The following ADGRV1 variants were observed in gnomAD, a reference collection of about 807,000 sequenced individuals.
ADGRV1 encodes the protein adhesion G protein-coupled receptor V1.
Under a neutral mutation model 596.2 loss-of-function variants are expected in ADGRV1, and 359 were observed. The ratio of observed to expected loss-of-function variants is 0.60; its 90% CI spans 0.55 to 0.66. ADGRV1 has a LOEUF of 0.66. Ranked by LOEUF, ADGRV1 falls within the 30% of genes least tolerant of loss-of-function variation. ADGRV1 has a pLI of 0.00. For missense variants in ADGRV1, 7,274 were observed against 7,575.6 expected (o/e 0.96, Z 1.48); for synonymous variants, 2,681 against 2,679.2 (o/e 1.00, Z -0.02).
At chr5:90,579,027 C>A (rs1295635120) in intron 1 of ADGRV1, among the ~76,000 whole-genome samples, 1 of 152,052 alleles carries the variant, frequency 6.6e-6, no homozygotes, top group Non-Finnish European at 1.5e-5. Context: ...AGCGGTCTAC[C>A]TATTCTGTTG....
At chr5:91,022,120 T>G (rs1295678601) in intron 85 of ADGRV1, among the ~76,000 whole-genome samples, 1 of 152,138 alleles carries the variant, frequency 6.6e-6, no homozygotes, top group African/African-American at 2.4e-5. Context: ...CTGATATAGT[T>G]ACTAATCACA....
At chr5:90,812,421 A>T (rs1349260862) in intron 74 of ADGRV1, among the ~76,000 whole-genome samples, 1 of 152,202 alleles carries the variant, frequency 6.6e-6, no homozygotes, top group Non-Finnish European at 1.5e-5. Flanking sequence ...GTGTAGAATA[A>T]TTTAATCAAG....
intron 85 of ADGRV1, among the ~76,000 whole-genome samples, chr5:91,056,640 G>T (rs1204485773): frequency 6.6e-6 from 1 of 151,998 alleles, no homozygotes; most frequent in Non-Finnish European, 1.5e-5. Flanking sequence ...GCAACGTCTT[G>T]TGTTGTTGTA....
chr5:90,923,096 G>A (rs1774043369), intron 83 of ADGRV1, among the ~76,000 whole-genome samples: 1 of 152,196 alleles, frequency 6.6e-6, no homozygotes, highest in Admixed American at 6.5e-5. Flanking sequence ...ATGAGAAATA[G>A]AAGCATTTTT....
At chr5:90,921,938 CG>C (rs1773917045) in intron 83 of ADGRV1, among the ~76,000 whole-genome samples, 1 of 151,758 alleles carries the variant, frequency 6.6e-6, no homozygotes, top group Admixed American at 6.6e-5. Flanking sequence ...AGTGCAAGTC[CG>C]GGGTCAAAAA....
chr5:90,605,308 A>G lies in ADGRV1; in HGVS notation c.23-9527A>G. On this transcript the variant is annotated intron_variant, in intron 1 of 89. Transcript: ENST00000405460. ...CACGTGCCTGTAGTCCCAGCTACTC[A>G]GGAGGCTGAGGCAGGAGAATCGCTT... 1.3e-5 allele frequency among the ~76,000 whole-genome samples: 2 copies of G among 151,802 alleles called. 1 individual carries two copies. The highest frequency in any genetic ancestry group is 4.8e-5 in the African/African-American group (2 of 41,332).
At chr5:90,964,788 A>AAGAGAGAGAGAGAGTG (rs1261064480) in intron 83 of ADGRV1, among the ~76,000 whole-genome samples, 3 of 151,162 alleles carry the variant, frequency 2.0e-5, no homozygotes, top group African/African-American at 7.3e-5. Context: ...CTGGTTAAAA[A>AAGAGAGAGAGAGAGTG]AGAGAGAGAG....
chr5:90,765,470 C>G (rs80332298), intron 59 of ADGRV1, among the ~76,000 whole-genome samples: 10,888 of 149,390 alleles, frequency 0.073, 1,200 homozygotes, highest in African/African-American at 0.24. Flanking sequence ...CACACACACA[C>G]AAACTCTAGA....
At chr5:90,670,679 T>C (rs758265352) in intron 21 of ADGRV1, among the ~76,000 whole-genome samples, 1 of 152,018 alleles carries the variant, frequency 6.6e-6, no homozygotes, top group Non-Finnish European at 1.5e-5. Context: ...ATGAGCTCCC[T>C]CTTACCAAGA....
At chr5:90,888,319 T>C (rs1427003034) in intron 83 of ADGRV1, among the ~76,000 whole-genome samples, 1 of 152,210 alleles carries the variant, frequency 6.6e-6, no homozygotes, top group Admixed American at 6.5e-5. Context: ...TGTAGATTTC[T>C]GCCTCATTAC....
At chr5:91,141,710 C>T (rs139560410) in intron 87 of ADGRV1, among the ~76,000 whole-genome samples, 3 of 152,230 alleles carry the variant, frequency 2.0e-5, no homozygotes, top group Non-Finnish European at 4.4e-5. Context: ...GCACAATATC[C>T]GTTATCTTTG....
chr5:90,893,517 T>TATA (rs1251584204), intron 83 of ADGRV1, among the ~76,000 whole-genome samples: 6 of 152,176 alleles, frequency 3.9e-5, no homozygotes, highest in Admixed American at 3.3e-4. Context: ...TGTTTGGCTA[T>TATA]ATAAAGTCAA....
Position 90,777,975 on chromosome 5 carries a change from G to A in ADGRV1, c.12598G>A (p.Glu4200Lys). 1 of 1,608,688 alleles carries A rather than the reference G, an allele frequency of 6.2e-7. No homozygotes were observed. The highest frequency in any genetic ancestry group is 1.7e-5 in the Admixed American group (1 of 59,286). Residue 4200 changes from glutamate to lysine, a missense_variant, in exon 62 of 90, where the codon GAA becomes AAA. Glu to Lys is a moderately conservative substitution (Grantham distance 56). Around this residue, in one of 5 missense-constraint regions of ADGRV1, gnomAD observed 3,643 missense variants for 3,809.2 expected, o/e 0.96. Coordinates refer to ENST00000405460, the MANE Select transcript of ADGRV1 (RefSeq NM_032119.4). Reference protein sequence around the residue: ...FWRIFPPSVGEFAETSGKLTM... With the variant: ...FWRIFPPSVGKFAETSGKLTM... Reference sequence around the variant, plus strand: ...GAGGATATTCCCTCCTTCCGTGGGGGAATTTGCTGAAACATCAGGAAAACT... The same window carrying A: ...GAGGATATTCCCTCCTTCCGTGGGGAAATTTGCTGAAACATCAGGAAAACT...
chr5:90,729,852 C>A, intron 50 of ADGRV1, 88 bp downstream of exon 50: 3 of 1,298,712 alleles, frequency 2.3e-6, no homozygotes, highest in Non-Finnish European at 3.2e-6. Flanking sequence ...TTTAGTATCA[C>A]ATTGCCAGAC....
intron 1 of ADGRV1, among the ~76,000 whole-genome samples, chr5:90,603,819 A>G (rs1443436556): frequency 6.7e-6 from 1 of 150,276 alleles, no homozygotes; most frequent in Non-Finnish European, 1.5e-5. Context: ...CCATTGTCCT[A>G]TGAAATCAAA....
chr5:90,984,598 T>C (rs1021147412), intron 84 of ADGRV1, among the ~76,000 whole-genome samples: 1 of 152,204 alleles, frequency 6.6e-6, no homozygotes. Flanking sequence ...ATATTGCCCT[T>C]AATTATTTGT....
Position 90,712,398 on chromosome 5 carries a change from C to A in ADGRV1, c.9154C>A (p.Pro3052Thr). The A allele has an allele frequency of 6.3e-7, 1 of 1,590,542 alleles. No homozygotes were observed. Among genetic ancestry groups the A allele is most frequent in the East Asian group, 2.2e-5 (1 of 44,476 alleles). ...TCAGCTGATTTTAACAAATCCTTCT[C>A]CTGGACTAGAGCTAGGGAAAAATAC... is the stretch of plus-strand genomic sequence containing the variant. ...KFQLILTNPS[P>T]GLELGKNTIA... The change falls in exon 42 of 90, where the codon CCT becomes ACT. Residue 3052 changes from proline (P) to threonine (T), a missense_variant. Physicochemically the swap from Pro to Thr is conservative, Grantham distance 38. Transcript: ENST00000405460.
At chr5:91,104,589 C>T (rs1037670001) in intron 87 of ADGRV1, among the ~76,000 whole-genome samples, 1 of 152,020 alleles carries the variant, frequency 6.6e-6, no homozygotes, top group African/African-American at 2.4e-5. Context: ...CCCTTTTTCC[C>T]CCTACCCTTC....
intron 83 of ADGRV1, among the ~76,000 whole-genome samples, chr5:90,948,121 T>A (rs1368186888): frequency 2.6e-5 from 4 of 152,164 alleles, no homozygotes; most frequent in Non-Finnish European, 5.9e-5. Context: ...AACTTGATTT[T>A]AAAGCTATCA....
Sources: allele counts gnomAD v4.1 joint callset (sites outside exome capture counted in the v4.1 genomes callset), GRCh38; gene constraint gnomAD v4.1.1; regional missense constraint gnomAD v4.1.1; transcripts MANE v1.5; gene names NCBI Gene and HGNC (gene_info 2026-07-23, HGNC 2026-07-21).